The following SMTN variants were observed in gnomAD, a reference collection of about 807,000 sequenced individuals.
SMTN encodes smoothelin.
In SMTN, 58 loss-of-function variants were observed where a neutral mutation model predicts 102.0. The ratio of observed to expected loss-of-function variants is 0.57; its 90% CI spans 0.46 to 0.71. The LOEUF is 0.71. Ranked by LOEUF, SMTN falls within the 30% of genes least tolerant of loss-of-function variation. The pLI is 0.00. For missense variants in SMTN, 1,185 were observed against 1,241.7 expected (o/e 0.95, Z 0.69); for synonymous variants, 478 against 497.9 (o/e 0.96, Z 0.53).
rs1209392602 is a variant in SMTN at position 31,083,293 on chromosome 22, G to A, written c.35G>A (p.Gly12Glu). ...ADEALAGLDEGALRKLLEVTA... is the reference protein window; with the variant it reads ...ADEALAGLDEEALRKLLEVTA... The stretch of plus-strand genomic sequence containing the variant: ...GAGGCCTTAGCTGGGCTGGATGAGG[G>A]AGCCCTTCGGAAGCTGGTAAGTGGC... Residue 12 changes from glycine to glutamate, a missense_variant, in exon 2 of 21, where the codon GGA (glycine) becomes GAA (glutamate). Transcript: ENST00000333137. 1 of 1,579,262 alleles carries A rather than the reference G, an allele frequency of 6.3e-7. No individual in the cohort carries two copies. Among genetic ancestry groups the A allele is most frequent in the South Asian group, 1.2e-5 (1 of 85,700 alleles).
At chr22:31,072,503 C>T (rs780603087) in intron 1 of SMTN, among the ~76,000 whole-genome samples, 1 of 152,150 alleles carries the variant, frequency 6.6e-6, no homozygotes, top group Non-Finnish European at 1.5e-5. Flanking sequence ...CCTCTTGTCA[C>T]CCAGGCTGGA....
chr22:31,098,587 C>CA, intron 16 of SMTN, 80 bp from the exon 17 acceptor site: 3 of 1,432,616 alleles, frequency 2.1e-6, no homozygotes, highest in South Asian at 1.3e-5. Flanking sequence ...ACAAGACCCC[C>CA]CCTCCTCCTC....
At chr22:31,083,810 C>A (rs1362430089) in intron 2 of SMTN, among the ~76,000 whole-genome samples, 2 of 152,216 alleles carry the variant, frequency 1.3e-5, no homozygotes, top group South Asian at 2.1e-4. Context: ...CTCAAGGACA[C>A]CCATCTAAGA....
intron 1 of SMTN, chr22:31,068,269 A>C (rs2041912518): frequency 6.6e-6 from 1 of 151,292 alleles, no homozygotes; most frequent in Non-Finnish European, 1.5e-5. Context: ...GCGCCATTGC[A>C]CTCTAGCCTG....
At chr22:31,067,656 G>A (rs1263409726) in intron 1 of SMTN, 1 of 147,716 alleles carries the variant, frequency 6.8e-6, no homozygotes, top group Admixed American at 6.9e-5. Flanking sequence ...CCGGGTTCAC[G>A]CCATTCTCCT....
intron 17 of SMTN, 87 bp downstream of exon 17, chr22:31,098,927 G>A: frequency 1.9e-6 from 3 of 1,554,600 alleles, no homozygotes; most frequent in Non-Finnish European, 2.6e-6. Context: ...CGGCAGAGGC[G>A]GGAAGACCGC....
At chr22:31,069,136 G>A (rs1358660539) in intron 1 of SMTN, among the ~76,000 whole-genome samples, 5 of 152,274 alleles carry the variant, frequency 3.3e-5, no homozygotes, top group South Asian at 2.1e-4. Flanking sequence ...GACCGGAGGC[G>A]GGGTTTGCCC....
chr22:31,096,964 C>T, intron 14 of SMTN, 34 bp from the exon 15 acceptor site: 1 of 1,613,528 alleles, frequency 6.2e-7, no homozygotes, highest in South Asian at 1.1e-5. Context: ...GCCCCCTGTG[C>T]CTTTCACATC....
At chr22:31,084,965 A>G in intron 2 of SMTN, 1 of 1,443,306 alleles carries the variant, frequency 6.9e-7, no homozygotes, top group South Asian at 1.4e-5. Flanking sequence ...TATAAGGAAA[A>G]GCTAGGCCCG....
At chr22:31,098,872 G>A (rs1371411447) in intron 17 of SMTN, 32 bp downstream of exon 17, 3 of 1,547,214 alleles carry the variant, frequency 1.9e-6, no homozygotes, top group East Asian at 2.3e-5. Context: ...GGCAGTGGGG[G>A]GCGGGGCGTG....
chr22:31,080,351 G>A (rs925759044), upstream of SMTN: 3 of 152,232 alleles, frequency 2.0e-5, no homozygotes, highest in Non-Finnish European at 4.4e-5. Flanking sequence ...TCTGTAAAAT[G>A]GGGCAATAGT....
Position 31,091,345 on chromosome 22 carries a change from G to GTGCCCCGC in SMTN, c.1328_1335dup (p.Val446ArgfsTer15), listed in dbSNP as rs2043118697. ...CCTGTGGCACGTTCAGAGGAGCCTG[G>GTGCCCCGC]TGCCCCGCTGCCCGTGGCCGTCGGC... On this transcript the variant is annotated frameshift_variant, in exon 10 of 21. Transcript: ENST00000333137. LOFTEE classifies it high-confidence loss of function. 1.2e-6 allele frequency: 2 copies of GTGCCCCGC among 1,606,428 alleles called. No homozygotes were observed. The highest frequency in any genetic ancestry group is 3.4e-5 in the Admixed American group (2 of 59,318).
At position 31,085,220 on chromosome 22, in the gene SMTN, C is replaced by T; in HGVS notation, c.51+1911C>T. On this transcript the variant is annotated intron_variant, in intron 2 of 20. Transcript: ENST00000333137. ...GGACCTTGGTTTCTTCCCTTTAGAT[C>T]CGGACACTGAAGCAGGCGGTAGCGG... The T allele has an allele frequency of 2.6e-6, 4 of 1,534,716 alleles. No individual in the cohort carries two copies. The South Asian group carries it at 4.8e-5, about 18-fold the overall frequency.
rs1023279147 is a variant in SMTN at position 31,084,169 on chromosome 22, C to T, written c.51+860C>T. Reference sequence around the variant, plus strand: ...ACCTCCATGCACAGAGGCCGTAGGGCAACCCAGTGGGGCAGGGCTCCTTCC... The same window carrying T: ...ACCTCCATGCACAGAGGCCGTAGGGTAACCCAGTGGGGCAGGGCTCCTTCC... On this transcript the variant is annotated intron_variant, in intron 2 of 20. Transcript: ENST00000333137. Among the ~76,000 whole-genome samples the T allele has an allele frequency of 2.0e-5, 3 of 152,342 alleles. No individual in the cohort carries two copies. In the East Asian group the frequency reaches 5.8e-4, roughly 29 times the overall value.
In SMTN at chr22:31,083,291, G is replaced by A; in HGVS notation, c.33G>A (p.Glu11=). 6.3e-7 allele frequency: 1 copy of A among 1,583,506 alleles called. No individual in the cohort carries two copies. The highest frequency in any genetic ancestry group is 8.6e-7 in the Non-Finnish European group (1 of 1,167,260). The stretch of plus-strand genomic sequence containing the variant: ...ACGAGGCCTTAGCTGGGCTGGATGA[G>A]GGAGCCCTTCGGAAGCTGGTAAGTG... The part of the protein sequence containing the change: MADEALAGLD[E]GALRKLLEVT... Residue 11 remains glutamate, a synonymous_variant, in exon 2 of 21, where the codon GAG becomes GAA. Coordinates refer to ENST00000333137, the MANE Select transcript of SMTN (RefSeq NM_134269.3).
chr22:31,092,446 C>G (rs1302241908), intron 11 of SMTN: 2 of 471,196 alleles, frequency 4.2e-6, no homozygotes, highest in South Asian at 3.1e-5. Flanking sequence ...CAGCACCCTT[C>G]CATTATTCAT....
At chr22:31,076,253 A>G (rs2042126206) in intron 1 of SMTN, among the ~76,000 whole-genome samples, 1 of 152,156 alleles carries the variant, frequency 6.6e-6, no homozygotes, top group African/African-American at 2.4e-5. Flanking sequence ...CAGCCTCAGC[A>G]CTTTTCTCCC....
chr22:31,101,960 G>C (rs1432216351), intron 20 of SMTN: 1 of 152,144 alleles, frequency 6.6e-6, no homozygotes. Flanking sequence ...TAGAGAGACA[G>C]GCTTCCCAAT....
Position 31,088,538 on chromosome 22 carries a change from C to A in SMTN, c.226C>A (p.Arg76=). The A allele has an allele frequency of 6.2e-7, 1 of 1,613,616 alleles. No homozygotes were observed. Among genetic ancestry groups the A allele is most frequent in the Non-Finnish European group, 8.5e-7 (1 of 1,179,882 alleles). Residue 76 remains arginine, a synonymous_variant, in exon 4 of 21, where the codon CGG becomes AGG. Transcript: ENST00000333137. ...CTCTCAGCAGCGGGAAGCTGAGCAGCGGGCTGCCCTGGCACGGCTGGCAGG... is the reference window on the plus strand; with the variant it reads ...CTCTCAGCAGCGGGAAGCTGAGCAGAGGGCTGCCCTGGCACGGCTGGCAGG... ...LHSQQREAEQ[R]AALARLAGQL...
Sources: allele counts gnomAD v4.1 joint callset (sites outside exome capture counted in the v4.1 genomes callset), GRCh38; gene constraint gnomAD v4.1.1; transcripts MANE v1.5; gene names NCBI Gene and HGNC (gene_info 2026-07-23, HGNC 2026-07-21).